PTPRD: variants seen among roughly 807,000 people sequenced by gnomAD.
PTPRD encodes the protein protein tyrosine phosphatase receptor type D.
Under a neutral mutation model 214.5 loss-of-function variants are expected in PTPRD, and 34 were observed. That is an observed-to-expected ratio of 0.16 (90% confidence interval 0.12 to 0.21). The LOEUF is 0.21. Among genes scored for constraint, PTPRD ranks in the 10% least tolerant of loss-of-function variants. The probability of loss-of-function intolerance (pLI) is 1.00; values close to 1 mark genes in which losing one functional copy is unlikely to be tolerated. For missense variants in PTPRD, 2,545 were observed against 2,398.7 expected (o/e 1.06, Z -1.27); for synonymous variants, 1,128 against 845.7 (o/e 1.33, Z -5.79).
chr9:9,444,045 G>C (rs1400590686), intron 8 of PTPRD, among the ~76,000 whole-genome samples: 1 of 152,104 alleles, frequency 6.6e-6, no homozygotes, highest in Non-Finnish European at 1.5e-5. Context: ...AGAAAAAACA[G>C]GATTGGACTA....
chr9:8,871,149 C>T (rs990731767), intron 11 of PTPRD, among the ~76,000 whole-genome samples: 7 of 152,158 alleles, frequency 4.6e-5, no homozygotes, highest in African/African-American at 1.7e-4. Flanking sequence ...ATGTTCCCAT[C>T]ATTCTTTTTA....
intron 3 of PTPRD, among the ~76,000 whole-genome samples, chr9:10,162,353 A>T (rs998621195): frequency 9.9e-5 from 15 of 151,604 alleles, no homozygotes; most frequent in African/African-American, 3.6e-4. Flanking sequence ...ACAATGAAAT[A>T]ATATTCAGCC....
intron 5 of PTPRD, among the ~76,000 whole-genome samples, chr9:9,809,091 A>T (rs1289219137): frequency 3.1e-4 from 47 of 151,872 alleles, no homozygotes; most frequent in Admixed American, 3.0e-3. Context: ...TAGCCTGAAG[A>T]GGGCATTTAA....
chr9:9,211,720 T>A (rs2099948863), intron 9 of PTPRD, among the ~76,000 whole-genome samples: 1 of 152,218 alleles, frequency 6.6e-6, no homozygotes, highest in Non-Finnish European at 1.5e-5. Context: ...AAATTTTTGG[T>A]ATTGACTTTG....
chr9:10,163,665 C>T (rs545960394), intron 3 of PTPRD, among the ~76,000 whole-genome samples: 3 of 151,506 alleles, frequency 2.0e-5, no homozygotes, highest in African/African-American at 4.8e-5. Context: ...GTTAGAACAA[C>T]AATTTTTACT....
intron 9 of PTPRD, among the ~76,000 whole-genome samples, chr9:9,210,878 AT>A (rs1296075306): frequency 2.0e-5 from 3 of 151,678 alleles, no homozygotes; most frequent in African/African-American, 7.3e-5. Context: ...TTTCTCTTCA[AT>A]AGAAACCAGG....
Position 8,799,216 on chromosome 9 carries a change from C to T in PTPRD, c.-103-65270G>A, listed in dbSNP as rs902402048. Among the ~76,000 whole-genome samples the T allele has an allele frequency of 2.0e-5, 3 of 152,100 alleles. No individual in the cohort carries two copies. The East Asian group carries it at 5.8e-4, about 29-fold the overall frequency. Reference sequence around the variant, plus strand: ...ATTTATTTACACAGATAATTATCACCAGTAGTCTGGTAGCAATCACTTCCC... The same window carrying T: ...ATTTATTTACACAGATAATTATCACTAGTAGTCTGGTAGCAATCACTTCCC... On this transcript the variant is annotated intron_variant, in intron 11 of 45. Transcript: ENST00000381196.
At chr9:9,146,093 G>A (rs1483060031) in intron 10 of PTPRD, among the ~76,000 whole-genome samples, 2 of 152,086 alleles carry the variant, frequency 1.3e-5, no homozygotes, top group African/African-American at 4.8e-5. Flanking sequence ...CCACAAATGT[G>A]ACTTCAAATG....
At chr9:9,941,600 G>A (rs2091464015) in intron 4 of PTPRD, among the ~76,000 whole-genome samples, 1 of 152,180 alleles carries the variant, frequency 6.6e-6, no homozygotes, top group South Asian at 2.1e-4. Flanking sequence ...TAGGATTACT[G>A]GCGTGAGCCA....
At chr9:8,683,997 C>T (rs149153756) in intron 12 of PTPRD, among the ~76,000 whole-genome samples, 45 of 152,294 alleles carry the variant, frequency 3.0e-4, no homozygotes, top group Admixed American at 5.9e-4. Context: ...CAACATCAAC[C>T]AGTGGGCTTG....
At chr9:8,801,483 G>A (rs1342269081) in intron 11 of PTPRD, among the ~76,000 whole-genome samples, 1 of 152,198 alleles carries the variant, frequency 6.6e-6, no homozygotes, top group East Asian at 1.9e-4. Context: ...CTGGGAGGCT[G>A]AGGCGGGCGG....
chr9:9,718,425 A>G (rs1298484054), intron 7 of PTPRD, among the ~76,000 whole-genome samples: 2 of 152,100 alleles, frequency 1.3e-5, no homozygotes, highest in African/African-American at 4.8e-5. Context: ...GCTCCATGGA[A>G]CTGATGGGGG....
chr9:8,829,433 G>C (rs143259111), intron 11 of PTPRD, among the ~76,000 whole-genome samples: 80 of 152,260 alleles, frequency 5.3e-4, no homozygotes, highest in Admixed American at 1.7e-3. Context: ...CTGTTCTCGA[G>C]ATTTATCATT....
chr9:9,675,629 G>C (rs978345852), intron 7 of PTPRD, among the ~76,000 whole-genome samples: 2 of 151,740 alleles, frequency 1.3e-5, no homozygotes, highest in African/African-American at 4.8e-5. Context: ...TTTGAAAACA[G>C]ATGAAAAAAT....
intron 8 of PTPRD, among the ~76,000 whole-genome samples, chr9:9,410,856 C>T (rs1243251653): frequency 1.3e-5 from 2 of 152,170 alleles, no homozygotes; most frequent in Non-Finnish European, 2.9e-5. Context: ...GAAACACATG[C>T]AGCAGAACTC....
chr9:8,454,725 A>G (rs904526145), intron 33 of PTPRD: 12 of 920,798 alleles, frequency 1.3e-5, no homozygotes, highest in Non-Finnish European at 1.9e-5. Context: ...ACTGACATAC[A>G]TTCAGAAGCG....
chr9:9,961,270 G>C (rs1587437891), intron 4 of PTPRD, among the ~76,000 whole-genome samples: 1 of 152,182 alleles, frequency 6.6e-6, no homozygotes, highest in African/African-American at 2.4e-5. Flanking sequence ...CCTGGAATTG[G>C]AATTTTCAAA....
At chr9:10,181,379 T>G (rs1036483747) in intron 3 of PTPRD, among the ~76,000 whole-genome samples, 7 of 152,232 alleles carry the variant, frequency 4.6e-5, no homozygotes, top group Admixed American at 4.6e-4. Context: ...ACTCCCCAAA[T>G]TTAGAGAAAT....
intron 2 of PTPRD, among the ~76,000 whole-genome samples, chr9:10,498,620 T>A (rs1420932236): frequency 6.6e-6 from 1 of 151,880 alleles, no homozygotes; most frequent in African/African-American, 2.4e-5. Context: ...GTAATTTGAC[T>A]ATAATAGATA....
Sources: allele counts gnomAD v4.1 joint callset (sites outside exome capture counted in the v4.1 genomes callset), GRCh38; gene constraint gnomAD v4.1.1; transcripts MANE v1.5; gene names NCBI Gene and HGNC (gene_info 2026-07-23, HGNC 2026-07-21).